UNC5C: variants seen among roughly 807,000 people sequenced by gnomAD.
The protein encoded by UNC5C is netrin receptor UNC5C.
Under a neutral mutation model 99.8 loss-of-function variants are expected in UNC5C, and 47 were observed. The ratio of observed to expected loss-of-function variants is 0.47; its 90% CI spans 0.37 to 0.60. UNC5C has a LOEUF of 0.60. UNC5C is among the 20% of genes least tolerant of loss of function. UNC5C has a pLI of 0.00. For synonymous variants in UNC5C, 487 were observed against 452.2 expected (o/e 1.08, Z -0.98); for missense variants, 1,062 against 1,165.9 (o/e 0.91, Z 1.30).
In UNC5C at chr4:95,397,148, G is replaced by T. The variant is rs142286101; in HGVS notation, c.125-61517C>A. Among the ~76,000 whole-genome samples, 417 of 152,212 alleles carry T rather than the reference G, an allele frequency of 2.7e-3. 4 individuals are homozygous for T. Among genetic ancestry groups the T allele is most frequent in the Admixed American group, 5.0e-3 (77 of 15,278 alleles). ...AGGGAAATGCAGCCTTTTGACAAGT[G>T]GGAATTAAAAGGAATTTCTTAAAGA... On this transcript the variant is annotated intron_variant, in intron 1 of 15. Transcript: ENST00000453304.
chr4:95,216,171 C>T lies in UNC5C; in HGVS notation c.1686G>A (p.Gly562=), dbSNP rs776029444. 9 of 1,613,660 alleles carry T rather than the reference C, an allele frequency of 5.6e-6. No individual in the cohort carries two copies. Among genetic ancestry groups the T allele is most frequent in the East Asian group, 2.2e-5 (1 of 44,878 alleles). ...LLIPAGAIPQ[G]RVYEMYVTVH... The stretch of plus-strand genomic sequence containing the variant: ...CAGTCACATACATTTCGTAGACTCT[C>T]CCTTGGGGAATGGCCCCAGCGGGAA... Residue 562 remains glycine (G), a synonymous_variant, in exon 10 of 16, where the codon GGG becomes GGA. Transcript: ENST00000453304.
intron 1 of UNC5C, among the ~76,000 whole-genome samples, chr4:95,460,537 C>T (rs184912892): frequency 6.6e-5 from 10 of 152,252 alleles, no homozygotes; most frequent in East Asian, 1.9e-4. Context: ...CGAGATCTGA[C>T]GGTTTTATCA....
At chr4:95,509,924 C>T (rs957366803) in intron 1 of UNC5C, among the ~76,000 whole-genome samples, 5 of 151,806 alleles carry the variant, frequency 3.3e-5, no homozygotes, top group East Asian at 1.9e-4. Flanking sequence ...CGTTTCACGT[C>T]GATAATTACA....
At chr4:95,298,987 C>A (rs1485661358) in intron 3 of UNC5C, among the ~76,000 whole-genome samples, 1 of 152,102 alleles carries the variant, frequency 6.6e-6, no homozygotes, top group Non-Finnish European at 1.5e-5. Flanking sequence ...CCTTACCCTT[C>A]CGAGCTAGAA....
At chr4:95,327,925 A>T (rs1171971520) in intron 2 of UNC5C, among the ~76,000 whole-genome samples, 1 of 151,426 alleles carries the variant, frequency 6.6e-6, no homozygotes, top group African/African-American at 2.4e-5. Context: ...AAAGGCTGTC[A>T]CACTGACTCT....
intron 7 of UNC5C, among the ~76,000 whole-genome samples, chr4:95,234,972 T>C (rs1162707025): frequency 1.3e-5 from 2 of 152,160 alleles, no homozygotes; most frequent in African/African-American, 4.8e-5. Context: ...AGGACAGATA[T>C]GTGTCTATAT....
At chr4:95,496,384 A>G (rs1432053000) in intron 1 of UNC5C, among the ~76,000 whole-genome samples, 3 of 151,904 alleles carry the variant, frequency 2.0e-5, no homozygotes, top group Admixed American at 6.6e-5. Context: ...AAATTACACT[A>G]TCCCTAAATT....
At chr4:95,280,924 C>T (rs139526458) in intron 3 of UNC5C, among the ~76,000 whole-genome samples, 2 of 152,262 alleles carry the variant, frequency 1.3e-5, no homozygotes, top group Non-Finnish European at 2.9e-5. Context: ...TGTACTCTTC[C>T]AATGGAAACA....
chr4:95,304,403 A>G (rs1325381853), intron 2 of UNC5C, among the ~76,000 whole-genome samples: 1 of 152,092 alleles, frequency 6.6e-6, no homozygotes, highest in African/African-American at 2.4e-5. Context: ...CTCAGCAACA[A>G]TCCTAGGCCA....
intron 1 of UNC5C, among the ~76,000 whole-genome samples, chr4:95,388,104 G>A (rs1368103606): frequency 1.3e-5 from 2 of 151,866 alleles, no homozygotes; most frequent in African/African-American, 2.4e-5. Flanking sequence ...TACAGAAAAG[G>A]GCTCTGAGAA....
chr4:95,311,969 C>T (rs901916794), intron 2 of UNC5C, among the ~76,000 whole-genome samples: 2 of 151,968 alleles, frequency 1.3e-5, no homozygotes, highest in African/African-American at 2.4e-5. Context: ...ATTGCTTGAG[C>T]CTAGGAGTTT....
intron 1 of UNC5C, among the ~76,000 whole-genome samples, chr4:95,487,472 T>C (rs1721359628): frequency 6.6e-6 from 1 of 151,404 alleles, no homozygotes; most frequent in African/African-American, 2.4e-5. Flanking sequence ...TATGGTATAC[T>C]TTTTAATACT....
At chr4:95,397,740 A>C (rs2149447280) in intron 1 of UNC5C, among the ~76,000 whole-genome samples, 1 of 152,342 alleles carries the variant, frequency 6.6e-6, no homozygotes. Flanking sequence ...CGTATACTGA[A>C]AAAATAGCAT....
intron 1 of UNC5C, among the ~76,000 whole-genome samples, chr4:95,368,713 A>T (rs1418031195): frequency 6.6e-6 from 1 of 152,238 alleles, no homozygotes; most frequent in Admixed American, 6.5e-5. Context: ...TCGCATATGT[A>T]ATTTAAAATT....
intron 1 of UNC5C, among the ~76,000 whole-genome samples, chr4:95,434,291 A>C (rs867723310): frequency 6.6e-6 from 1 of 152,036 alleles, no homozygotes; most frequent in Non-Finnish European, 1.5e-5. Context: ...CAATTTATAA[A>C]TTTATCTTTT....
intron 1 of UNC5C, among the ~76,000 whole-genome samples, chr4:95,430,413 T>C (rs1560830047): frequency 6.6e-6 from 1 of 152,138 alleles, no homozygotes; most frequent in Non-Finnish European, 1.5e-5. Flanking sequence ...TTAAGTGTCA[T>C]GATTAAATGT....
chr4:95,481,520 A>G (rs1320564937), intron 1 of UNC5C, among the ~76,000 whole-genome samples: 1 of 152,012 alleles, frequency 6.6e-6, no homozygotes, highest in East Asian at 1.9e-4. Flanking sequence ...TTTAAAGTTC[A>G]TATGGAACCA....
At chr4:95,312,577 C>G (rs1742314117) in intron 2 of UNC5C, among the ~76,000 whole-genome samples, 1 of 152,136 alleles carries the variant, frequency 6.6e-6, no homozygotes, top group African/African-American at 2.4e-5. Context: ...GAGCACAGAT[C>G]AGAATCTAAA....
intron 14 of UNC5C, among the ~76,000 whole-genome samples, chr4:95,181,619 G>A (rs1282573588): frequency 1.3e-5 from 2 of 152,080 alleles, no homozygotes; most frequent in African/African-American, 2.4e-5. Context: ...ATAGGGCTGC[G>A]CATCCGAAGG....
Sources: allele counts gnomAD v4.1 joint callset (sites outside exome capture counted in the v4.1 genomes callset), GRCh38; gene constraint gnomAD v4.1.1; transcripts MANE v1.5; gene names NCBI Gene and HGNC (gene_info 2026-07-23, HGNC 2026-07-21).